Variants in PARP11 observed in about 807,000 individuals in gnomAD.
PARP11 encodes protein mono-ADP-ribosyltransferase PARP11.
A neutral mutation model predicts 42.9 loss-of-function variants in PARP11; 31 were observed. That is an observed-to-expected ratio of 0.72 (90% CI 0.54 to 0.98). The LOEUF (loss-of-function observed/expected upper bound fraction) is 0.98, where lower values mean the gene tolerates loss of function less well. Ranked by LOEUF, PARP11 falls within the 50% of genes least tolerant of loss-of-function variation. The pLI, the probability that PARP11 is intolerant of heterozygous loss-of-function variation, is 0.00. For missense variants in PARP11, 365 were observed against 413.1 expected, an observed-to-expected ratio of 0.88 and a Z score of 1.01; for synonymous variants, 137 against 127.3, an observed-to-expected ratio of 1.08 and a Z score of -0.51.
chr12:3,824,712 G>T, intron 4 of PARP11: 1 of 657,588 alleles, frequency 1.5e-6, no homozygotes, highest in Non-Finnish European at 1.9e-6. Context: ...CCATCACAGT[G>T]TTTCTTGTCT....
At chr12:3,870,965 T>C (rs1948467573) in intron 1 of PARP11, among the ~76,000 whole-genome samples, 1 of 152,224 alleles carries the variant, frequency 6.6e-6, no homozygotes, top group Non-Finnish European at 1.5e-5. Flanking sequence ...GTAATTACTT[T>C]CCTCTAATGC....
Position 3,841,682 on chromosome 12 carries a change from TC to T in PARP11, c.19-11665del. 3 of 1,613,510 alleles carry T rather than the reference TC, an allele frequency of 1.9e-6. No individual in the cohort carries two copies. The South Asian group carries it at 3.3e-5, about 18-fold the overall frequency. On this transcript the variant is annotated intron_variant, in intron 1 of 7. Transcript: ENST00000228820. ...GAGTCACTGAGTGGCAAGAATATGT[TC>T]CCCCAGCCATCTTTTGGACCCAATC...
rs12582206 is a variant in PARP11 at position 3,821,625 on chromosome 12, T to C, written c.548+248A>G. ...TCTGACACTCCTCTGTAATGCTGAT[T>C]TCAGCCAAGATGCATAGCTCTAAAC... is the stretch of plus-strand genomic sequence containing the variant. On this transcript the variant is annotated intron_variant, in intron 6 of 7. Coordinates refer to ENST00000228820, the MANE Select transcript of PARP11 (RefSeq NM_020367.6). 2.6e-4 allele frequency among the ~76,000 whole-genome samples: 40 copies of C among 152,316 alleles called. No individual in the cohort carries two copies. The East Asian group carries it at 6.6e-3, about 25-fold the overall frequency.
intron 1 of PARP11, among the ~76,000 whole-genome samples, chr12:3,852,787 C>G (rs954988591): frequency 6.6e-6 from 1 of 152,094 alleles, no homozygotes; most frequent in African/African-American, 2.4e-5. Flanking sequence ...GAGAACACCA[C>G]AAAGATACTC....
At chr12:3,823,447 C>T (rs1419227145) in intron 4 of PARP11, among the ~76,000 whole-genome samples, 2 of 152,162 alleles carry the variant, frequency 1.3e-5, no homozygotes, top group African/African-American at 4.8e-5. Flanking sequence ...CTTTCTGTAA[C>T]AGTGCATAGA....
At chr12:3,825,910 A>T (rs1475805977) in intron 4 of PARP11, among the ~76,000 whole-genome samples, 1 of 151,932 alleles carries the variant, frequency 6.6e-6, no homozygotes, top group Non-Finnish European at 1.5e-5. Flanking sequence ...TTGTATTTTT[A>T]GTAGAGACGG....
intron 7 of PARP11, among the ~76,000 whole-genome samples, chr12:3,813,411 T>G (rs1947222502): frequency 6.6e-6 from 1 of 152,172 alleles, no homozygotes; most frequent in Non-Finnish European, 1.5e-5. Flanking sequence ...GAAAACTCGA[T>G]AAAGCAGCCA....
At chr12:3,831,234 A>G (rs1007930139) in intron 1 of PARP11, among the ~76,000 whole-genome samples, 1 of 152,014 alleles carries the variant, frequency 6.6e-6, no homozygotes, top group Non-Finnish European at 1.5e-5. Context: ...ATTTCACTGC[A>G]TATCTTTCAG....
At chr12:3,866,331 T>C (rs1948389307) in intron 1 of PARP11, among the ~76,000 whole-genome samples, 1 of 152,176 alleles carries the variant, frequency 6.6e-6, no homozygotes, top group African/African-American at 2.4e-5. Context: ...CTTTGACTTC[T>C]CCTCAGCTTG....
intron 1 of PARP11, chr12:3,841,535 C>G: frequency 6.3e-7 from 1 of 1,597,504 alleles, no homozygotes; most frequent in Non-Finnish European, 8.6e-7. Flanking sequence ...ATTGGACCGC[C>G]GACATTTTCT....
intron 6 of PARP11, among the ~76,000 whole-genome samples, chr12:3,816,112 AACT>A (rs1229505370): frequency 6.6e-6 from 1 of 152,230 alleles, no homozygotes; most frequent in Non-Finnish European, 1.5e-5. Flanking sequence ...TTTCACTAAG[AACT>A]TCCTTTTTCA....
At position 3,811,540 on chromosome 12, in the gene PARP11, A is replaced by G. The variant is rs1033405063; in HGVS notation, c.*583T>C. On this transcript the variant is annotated 3_prime_UTR_variant, in exon 8 of 8. Coordinates refer to ENST00000228820, the MANE Select transcript of PARP11 (RefSeq NM_020367.6). Reference sequence around the variant, plus strand: ...CTGGAAAGTGGGGCATTCTACCTTGATTTTCTCCTTCTGGCTTGTTTGACA... The same window carrying G: ...CTGGAAAGTGGGGCATTCTACCTTGGTTTTCTCCTTCTGGCTTGTTTGACA... The G allele has an allele frequency of 1.3e-5, 2 of 152,300 alleles. No homozygotes were observed. Among genetic ancestry groups the G allele is most frequent in the Non-Finnish European group, 2.9e-5 (2 of 68,060 alleles). The allele number at this position is 152,300 out of a possible 1,614,324, so 9.4% of individuals were successfully genotyped here.
At chr12:3,851,192 G>C (rs1211130356) in intron 1 of PARP11, among the ~76,000 whole-genome samples, 1 of 152,224 alleles carries the variant, frequency 6.6e-6, no homozygotes, top group African/African-American at 2.4e-5. Context: ...CAGCGTGACT[G>C]ACACAGAAGA....
intron 1 of PARP11, among the ~76,000 whole-genome samples, chr12:3,864,199 T>C (rs915264521): frequency 1.3e-5 from 2 of 152,226 alleles, no homozygotes; most frequent in Non-Finnish European, 2.9e-5. Context: ...AATCACCACA[T>C]AGTTTTTCAT....
chr12:3,810,211 G>A lies in PARP11; in HGVS notation c.*1912C>T, dbSNP rs1016331288. ...CAGCCAAAATTGGGTGAGGATAATA[G>A]AGAGAAAATTCAGCATTAGAAGGAG... is the stretch of plus-strand genomic sequence containing the variant. On this transcript the variant is annotated 3_prime_UTR_variant, in exon 8 of 8. Transcript: ENST00000228820. The A allele has an allele frequency of 6.6e-6, 1 of 152,208 alleles. No homozygotes were observed. Among genetic ancestry groups the A allele is most frequent in the Non-Finnish European group, 1.5e-5 (1 of 68,038 alleles). The allele number at this position is 152,208 out of a possible 1,614,324, so 9.4% of individuals were successfully genotyped here.
intron 1 of PARP11, among the ~76,000 whole-genome samples, chr12:3,834,887 A>G (rs1288375634): frequency 6.6e-6 from 1 of 152,116 alleles, no homozygotes; most frequent in Non-Finnish European, 1.5e-5. Context: ...TCTCTAAGCT[A>G]TACACGTACC....
chr12:3,847,429 TAGAAAA>T (rs1948025439), intron 1 of PARP11, among the ~76,000 whole-genome samples: 1 of 152,044 alleles, frequency 6.6e-6, no homozygotes, highest in Non-Finnish European at 1.5e-5. Context: ...AATAAAATAC[TAGAAAA>T]CTGAATTCAA....
Position 3,840,065 on chromosome 12 carries a change from T to C in PARP11, c.19-10047A>G. 3 of 1,609,224 alleles carry C rather than the reference T, an allele frequency of 1.9e-6. No homozygotes were observed. The highest frequency in any genetic ancestry group is 3.3e-5 in the Admixed American group (2 of 60,024). On this transcript the variant is annotated intron_variant, in intron 1 of 7. Coordinates refer to ENST00000228820, the MANE Select transcript of PARP11 (RefSeq NM_020367.6). The surrounding 1 kb of genome is among the most constrained non-coding windows in gnomAD (Gnocchi z 4.4). ...GTTCTTAAGTCACTCAATCCTGCAG[T>C]CTATAGAAATGTGGAATATGAAATT...
rs1437833622 is a variant in PARP11, at chr12:3,811,350, A to T, written c.*773T>A. 1 of 152,256 alleles carries T rather than the reference A, an allele frequency of 6.6e-6. No individual in the cohort carries two copies. Among genetic ancestry groups the T allele is most frequent in the Non-Finnish European group, 1.5e-5 (1 of 68,048 alleles). The allele number at this position is 152,256 out of a possible 1,614,324, so 9.4% of individuals were successfully genotyped here. On this transcript the variant is annotated 3_prime_UTR_variant, in exon 8 of 8. Transcript: ENST00000228820. ...AATAATTTAAAGTTTCACTTTGAAG[A>T]TGCAATAAACACCTTGCACAGCAAG...
Sources: gnomAD v4.1 joint callset for allele counts (sites outside exome capture counted in the v4.1 genomes callset) on GRCh38, gnomAD v4.1.1 for gene constraint, Gnocchi (gnomAD v3.1) non-coding constraint, MANE v1.5 for transcripts, NCBI Gene and HGNC (gene_info 2026-07-23, HGNC 2026-07-21) for gene names.